Variants in CENPB observed in about 807,000 individuals in gnomAD.
CENPB encodes centromere protein B.
In CENPB, 19 loss-of-function variants were observed where a neutral mutation model predicts 41.9. That is an observed-to-expected ratio of 0.45 (90% CI 0.32 to 0.67). The LOEUF is 0.67. Among genes scored for constraint, CENPB ranks in the 30% least tolerant of loss-of-function variants. CENPB has a pLI of 0.04. For synonymous variants in CENPB, 399 were observed against 354.4 expected, an observed-to-expected ratio of 1.13 and a Z score of -1.41; for missense variants, 614 against 816.2, an observed-to-expected ratio of 0.75 and a Z score of 3.02.
chr20:3,786,002 G>T lies in CENPB; in HGVS notation c.482C>A (p.Pro161His). 1 of 1,472,072 alleles carries T rather than the reference G, an allele frequency of 6.8e-7. No individual in the cohort carries two copies. The highest frequency in any genetic ancestry group is 2.7e-5 in the East Asian group (1 of 37,044). The allele number at this position is 1,472,072 out of a possible 1,614,324, so 91.2% of individuals were successfully genotyped here. A position where few individuals can be genotyped will look rare whatever the true frequency, so the allele number is the denominator to read the frequency against. Residue 161 changes from proline (P) to histidine (H), a missense_variant, in exon 1 of 1, where the codon CCC becomes CAC. Pro to His is a moderately conservative substitution (Grantham distance 77). Transcript: ENST00000379751. The stretch of plus-strand genomic sequence containing the variant: ...AGTGCTCCCGCCACTGCCCTCCGAG[G>T]GCACCGCGGCCGGACTGGCAGGCGC... ...PAAPASPAAV[P>H]SEGSGGSTTG...
chr20:3,785,890 A>C lies in CENPB; in HGVS notation c.594T>G (p.Ser198Arg), dbSNP rs780496154. 1.9e-6 allele frequency: 3 copies of C among 1,606,830 alleles called. No homozygotes were observed. In the African/African-American group the frequency reaches 4.0e-5, roughly 22 times the overall value. The change falls in exon 1 of 1, where the codon AGT becomes AGG. Residue 198 changes from serine to arginine, a missense_variant. Transcript: ENST00000379751. ...SQDVFSATET[S>R]LWYDFLPDQA... ...GGTCGGGCAGGAAGTCGTACCATAG[A>C]CTGGTCTCGGTGGCGCTGAACACGT... is the stretch of plus-strand genomic sequence containing the variant.
chr20:3,784,454 C>T lies in CENPB; in HGVS notation c.*230G>A, dbSNP rs540857122. On this transcript the variant is annotated 3_prime_UTR_variant, in exon 1 of 1. Transcript: ENST00000379751. This position sits in a 1 kb window ranked among gnomAD's most constrained non-coding sequence, Gnocchi z 5.2. Reference sequence around the variant, plus strand: ...CCACCTGGTCCCCTGAGCCCAGGGCCAAATGGGGAGGAAAGAGGATTCTGA... The same window carrying T: ...CCACCTGGTCCCCTGAGCCCAGGGCTAAATGGGGAGGAAAGAGGATTCTGA... 8 of 548,594 alleles carry T rather than the reference C, an allele frequency of 1.5e-5. No homozygotes were observed. In the African/African-American group the frequency reaches 1.5e-4, roughly 10 times the overall value. The allele number at this position is 548,594 out of a possible 1,614,324, so 34.0% of individuals were successfully genotyped here.
chr20:3,785,519 A>T lies in CENPB; in HGVS notation c.965T>A (p.Val322Glu). The change falls in exon 1 of 1, where the codon GTG becomes GAG. Residue 322 changes from valine (V) to glutamate (E), a missense_variant. By Grantham distance (121) the Val-to-Glu change is moderately radical. Transcript: ENST00000379751. Reference sequence around the variant, plus strand: ...GACCACTCCCCTCTCCAGCGGATGCACGGTGCCGGGAGGGAAGAAGGCCAG... The same window carrying T: ...GACCACTCCCCTCTCCAGCGGATGCTCGGTGCCGGGAGGGAAGAAGGCCAG... Reference protein sequence around the residue: ...VQLAFFPPGTVHPLERGVVQQ... With the variant: ...VQLAFFPPGTEHPLERGVVQQ... The T allele has an allele frequency of 6.3e-7, 1 of 1,597,572 alleles. No homozygotes were observed. Among genetic ancestry groups the T allele is most frequent in the Non-Finnish European group, 8.5e-7 (1 of 1,172,408 alleles).
At position 3,784,114 on chromosome 20, in the gene CENPB, G is replaced by A. The variant is rs1051368; in HGVS notation, c.*570C>T. Reference sequence around the variant, plus strand: ...CAAGGGCCAAAGTCACATGGACAGGGCCAGAGAAAGGGACTGGGGAGGTGG... The same window carrying A: ...CAAGGGCCAAAGTCACATGGACAGGACCAGAGAAAGGGACTGGGGAGGTGG... On this transcript the variant is annotated 3_prime_UTR_variant, in exon 1 of 1. Transcript: ENST00000379751. The surrounding 1 kb of genome is among the most constrained non-coding windows in gnomAD (Gnocchi z 5.2). 0.028 allele frequency: 4,414 copies of A among 155,960 alleles called. 97 individuals carry two copies. Among genetic ancestry groups the A allele is most frequent in the Admixed American group, 0.041 (654 of 16,068 alleles). 9.7% of individuals were successfully genotyped at this position (155,960 alleles called of 1,614,324 possible).
Position 3,786,039 on chromosome 20 carries a change from G to C in CENPB, c.445C>G (p.Arg149Gly). The change falls in exon 1 of 1, where the codon CGC becomes GGC. Residue 149 changes from arginine to glycine, a missense_variant. Around this residue, in one of 2 missense-constraint regions of CENPB, gnomAD observed 537 missense variants for 629.4 expected, o/e 0.85. Coordinates refer to ENST00000379751, the MANE Select transcript of CENPB (RefSeq NM_001810.6). ...ARARARNAAP[R>G]TPAAPASPAA... ...GGACTGGCAGGCGCCGCCGGGGTGC[G>C]GGGGGCAGCGTTTCGCGCGCGGGCG... The C allele has an allele frequency of 6.8e-7, 1 of 1,465,592 alleles. No individual in the cohort carries two copies. The highest frequency in any genetic ancestry group is 8.9e-7 in the Non-Finnish European group (1 of 1,122,556). The allele number at this position is 1,465,592 out of a possible 1,614,324, so 90.8% of individuals were successfully genotyped here.
Position 3,785,347 on chromosome 20 carries a change from G to C in CENPB, c.1137C>G (p.Asp379Glu). ...AAAWQAVEPS[D>E]IAACFREAGF... ...CAGCCTCACGAAAGCAGGCGGCTATGTCCGAAGGCTCCACTGCCTGCCAGG... is the reference window on the plus strand; with the variant it reads ...CAGCCTCACGAAAGCAGGCGGCTATCTCCGAAGGCTCCACTGCCTGCCAGG... Residue 379 changes from aspartate to glutamate, a missense_variant, in exon 1 of 1, where the codon GAC becomes GAG. Asp to Glu is a conservative substitution (Grantham distance 45). Transcript: ENST00000379751. 6.2e-7 allele frequency: 1 copy of C among 1,602,658 alleles called. No homozygotes were observed. The highest frequency in any genetic ancestry group is 1.1e-5 in the South Asian group (1 of 89,470).
Position 3,784,945 on chromosome 20 carries a change from G to A in CENPB, c.1539C>T (p.Asp513=). The part of the protein sequence containing the change: ...FLEGGEDSDS[D]SEEEDDEEED... The stretch of plus-strand genomic sequence containing the variant: ...CTTCCTCATCGTCCTCTTCCTCACT[G>A]TCTGAATCAGAGTCCTCCCCACCTT... The change falls in exon 1 of 1, where the codon GAC becomes GAT. Residue 513 remains aspartate, a synonymous_variant. Transcript: ENST00000379751. This position sits in a 1 kb window ranked among gnomAD's most constrained non-coding sequence, Gnocchi z 5.2. 1.2e-6 allele frequency: 2 copies of A among 1,613,770 alleles called. No individual in the cohort carries two copies. The highest frequency in any genetic ancestry group is 1.7e-6 in the Non-Finnish European group (2 of 1,179,932).
In CENPB at chr20:3,785,200, TTCC is replaced by T. The variant is rs200947984; in HGVS notation, c.1281_1283del (p.Glu428del). 128 of 760,900 alleles carry T rather than the reference TTCC, an allele frequency of 1.7e-4. No homozygotes were observed. The highest frequency in any genetic ancestry group is 2.3e-4 in the Non-Finnish European group (119 of 520,726). 47.1% of individuals were successfully genotyped at this position (760,900 alleles called of 1,614,324 possible). Reference sequence around the variant, plus strand: ...CCCCTTCCTCCTCCTCCTCCTCCCCTTCCTCCTCCTCTTCCTCTCCTTCACCCT... The same window carrying T: ...CCCCTTCCTCCTCCTCCTCCTCCCCTTCCTCCTCTTCCTCTCCTTCACCCT... On this transcript the variant is annotated inframe_deletion, in exon 1 of 1. Transcript: ENST00000379751.
rs368864621 is a variant in CENPB at position 3,785,536 on chromosome 20, G to T, written c.948C>A (p.Phe316Leu). The T allele has an allele frequency of 1.3e-5, 20 of 1,598,560 alleles. No homozygotes were observed. Among genetic ancestry groups the T allele is most frequent in the Non-Finnish European group, 1.4e-5 (16 of 1,173,000 alleles). The change falls in exon 1 of 1, where the codon TTC becomes TTA. Residue 316 changes from phenylalanine to leucine, a missense_variant. Coordinates refer to ENST00000379751, the MANE Select transcript of CENPB (RefSeq NM_001810.6). ...GCGGATGCACGGTGCCGGGAGGGAA[G>T]AAGGCCAGCTGCACATGCCGCAGGC... ...TSGLRHVQLA[F>L]FPPGTVHPLE...
In CENPB at chr20:3,784,167, C is replaced by T. The variant is rs1189004658; in HGVS notation, c.*517G>A. 1 of 160,680 alleles carries T rather than the reference C, an allele frequency of 6.2e-6. No individual in the cohort carries two copies. The highest frequency in any genetic ancestry group is 1.4e-5 in the Non-Finnish European group (1 of 72,516). 10.0% of individuals were successfully genotyped at this position (160,680 alleles called of 1,614,324 possible). ...AGCAGGCAGAAGCAGGCTCAGGAGC[C>T]CGCAGTGAGTTAAACTGTGCTTCTC... On this transcript the variant is annotated 3_prime_UTR_variant, in exon 1 of 1. Coordinates refer to ENST00000379751, the MANE Select transcript of CENPB (RefSeq NM_001810.6). The surrounding 1 kb of genome is among the most constrained non-coding windows in gnomAD (Gnocchi z 5.2).
Position 3,785,731 on chromosome 20 carries a change from G to A in CENPB, c.753C>T (p.Arg251=). ...CGCAGGGCAGGCCGGCTTGGCCTGC[G>A]CGGGGCTTGGCCGACTTGCCGGCCA... ...PLVAGKSAKP[R]AGQAGLPCDY... Residue 251 remains arginine (R), a synonymous_variant, in exon 1 of 1, where the codon CGC becomes CGT. Transcript: ENST00000379751. The A allele has an allele frequency of 6.2e-7, 1 of 1,607,082 alleles. No homozygotes were observed.
Position 3,784,767 on chromosome 20 carries a change from G to A in CENPB, c.1717C>T (p.His573Tyr). ...IDDRVQSHILHLEHDLVHVTR... is the reference protein window; with the variant it reads ...IDDRVQSHILYLEHDLVHVTR... Reference sequence around the variant, plus strand: ...ACATGAACCAGATCGTGTTCCAAGTGGAGGATGTGGCTCTGCACGCGGTCA... The same window carrying A: ...ACATGAACCAGATCGTGTTCCAAGTAGAGGATGTGGCTCTGCACGCGGTCA... Residue 573 changes from histidine to tyrosine, a missense_variant, in exon 1 of 1, where the codon CAC becomes TAC. By Grantham distance (83) the His-to-Tyr change is moderately conservative (BLOSUM62 2). This residue lies in a region of CENPB where 537 missense variants were observed against 629.4 expected (regional missense o/e 0.85). Coordinates refer to ENST00000379751, the MANE Select transcript of CENPB (RefSeq NM_001810.6). This position sits in a 1 kb window ranked among gnomAD's most constrained non-coding sequence, Gnocchi z 5.2. 4 of 1,614,142 alleles carry A rather than the reference G, an allele frequency of 2.5e-6. No homozygotes were observed. Among genetic ancestry groups the A allele is most frequent in the South Asian group, 1.1e-5 (1 of 91,072 alleles).
Position 3,785,274 on chromosome 20 carries a change from C to A in CENPB, c.1210G>T (p.Glu404Ter). 1 of 1,586,176 alleles carries A rather than the reference C, an allele frequency of 6.3e-7. No individual in the cohort carries two copies. The highest frequency in any genetic ancestry group is 8.6e-7 in the Non-Finnish European group (1 of 1,167,704). ...NATITTSLKS[E>*]GEEEEEEEEE... Reference sequence around the variant, plus strand: ...TCCTCCTCCTCCTCTTCCTCTCCCTCACTCTTGAGGGAAGTGGTGATGGTG... The same window carrying A: ...TCCTCCTCCTCCTCTTCCTCTCCCTAACTCTTGAGGGAAGTGGTGATGGTG... Residue 404 changes from glutamate (E) to a stop codon, truncating the protein, a stop_gained, in exon 1 of 1, where the codon GAG (glutamate) becomes TAG (stop). Transcript: ENST00000379751. LOFTEE classifies it high-confidence loss of function.
chr20:3,784,415 GCTCCCC>G lies in CENPB; in HGVS notation c.*263_*268del. 2.1e-6 allele frequency: 1 copy of G among 474,162 alleles called. No individual in the cohort carries two copies. Among genetic ancestry groups the G allele is most frequent in the Non-Finnish European group, 3.9e-6 (1 of 259,528 alleles). 29.4% of individuals were successfully genotyped at this position (474,162 alleles called of 1,614,324 possible). A position where few individuals can be genotyped will look rare whatever the true frequency, so the allele number is the denominator to read the frequency against. On this transcript the variant is annotated 3_prime_UTR_variant, in exon 1 of 1. Coordinates refer to ENST00000379751, the MANE Select transcript of CENPB (RefSeq NM_001810.6). This position sits in a 1 kb window ranked among gnomAD's most constrained non-coding sequence, Gnocchi z 5.2. Reference sequence around the variant, plus strand: ...GGGCACGGTGTGGTAGCACCGGACAGCTCCCCACCCGCCCCACCTGGTCCCCTGAGC... The same window carrying G: ...GGGCACGGTGTGGTAGCACCGGACAGACCCGCCCCACCTGGTCCCCTGAGC...
In CENPB at chr20:3,785,198, CCTTCCTCCTCCT is replaced by C. The variant is rs2088809246; in HGVS notation, c.1274_1285del (p.Glu425_Glu428del). On this transcript the variant is annotated inframe_deletion, in exon 1 of 1. Coordinates refer to ENST00000379751, the MANE Select transcript of CENPB (RefSeq NM_001810.6). ...CCCCCCTTCCTCCTCCTCCTCCTCC[CCTTCCTCCTCCT>C]CTTCCTCTCCTTCACCCTCTTCCTC... 7 of 1,283,364 alleles carry C rather than the reference CCTTCCTCCTCCT, an allele frequency of 5.5e-6. No individual in the cohort carries two copies. Among genetic ancestry groups the C allele is most frequent in the Admixed American group, 2.3e-5 (1 of 42,708 alleles). 79.5% of individuals were successfully genotyped at this position (1,283,364 alleles called of 1,614,324 possible).
chr20:3,785,590 G>A lies in CENPB; in HGVS notation c.894C>T (p.Arg298=), dbSNP rs773648405. The change falls in exon 1 of 1, where the codon CGC becomes CGT. Residue 298 remains arginine, a synonymous_variant. Transcript: ENST00000379751. ...AGGTGTCCAAGGACTGGGCAGCCAAGCGGCCGGCCAACAGCAGGACCCGGC... is the reference window on the plus strand; with the variant it reads ...AGGTGTCCAAGGACTGGGCAGCCAAACGGCCGGCCAACAGCAGGACCCGGC... ...ESRRVLLLAG[R]LAAQSLDTSG... The A allele has an allele frequency of 1.2e-6, 2 of 1,601,180 alleles. No individual in the cohort carries two copies. Among genetic ancestry groups the A allele is most frequent in the Non-Finnish European group, 1.7e-6 (2 of 1,174,484 alleles).
In CENPB at chr20:3,784,909, T is replaced by C. The variant is rs762892177; in HGVS notation, c.1575A>G (p.Glu525=). ...CCTCATCATCATCGTCGTCTTCATC[T>C]TCATCATCCTCTTCCTCATCGTCCT... ...EEEDDEEEDD[E]DEDDDDDEED... is the part of the protein sequence containing the mutation. Residue 525 remains glutamate (E), a synonymous_variant, in exon 1 of 1, where the codon GAA becomes GAG. Transcript: ENST00000379751. The surrounding 1 kb of genome is among the most constrained non-coding windows in gnomAD (Gnocchi z 5.2). 1.7e-5 allele frequency: 28 copies of C among 1,613,858 alleles called. No individual in the cohort carries two copies. The South Asian group carries it at 3.0e-4, about 17-fold the overall frequency.
rs1453532151 is a variant in CENPB at position 3,785,564 on chromosome 20, G to A, written c.920C>T (p.Ser307Leu). 3 of 1,600,180 alleles carry A rather than the reference G, an allele frequency of 1.9e-6. No homozygotes were observed. The highest frequency in any genetic ancestry group is 1.7e-5 in the Admixed American group (1 of 57,922). Residue 307 changes from serine to leucine, a missense_variant, in exon 1 of 1, where the codon TCG (serine) becomes TTG (leucine). Ser to Leu is a moderately radical substitution (Grantham distance 145, BLOSUM62 -2). This residue lies in a region of CENPB where 537 missense variants were observed against 629.4 expected (regional missense o/e 0.85). Transcript: ENST00000379751. ...GGCCAGCTGCACATGCCGCAGGCCCGAGGTGTCCAAGGACTGGGCAGCCAA... is the reference window on the plus strand; with the variant it reads ...GGCCAGCTGCACATGCCGCAGGCCCAAGGTGTCCAAGGACTGGGCAGCCAA... ...GRLAAQSLDT[S>L]GLRHVQLAFF...
In CENPB at chr20:3,784,766, T is replaced by C. The variant is rs1407973640; in HGVS notation, c.1718A>G (p.His573Arg). 2 of 1,614,104 alleles carry C rather than the reference T, an allele frequency of 1.2e-6. No homozygotes were observed. Among genetic ancestry groups the C allele is most frequent in the Non-Finnish European group, 1.7e-6 (2 of 1,179,994 alleles). ...CACATGAACCAGATCGTGTTCCAAG[T>C]GGAGGATGTGGCTCTGCACGCGGTC... ...IDDRVQSHIL[H>R]LEHDLVHVTR... The change falls in exon 1 of 1, where the codon CAC becomes CGC. Residue 573 changes from histidine to arginine, a missense_variant. Physicochemically the swap from His to Arg is conservative, Grantham distance 29 (BLOSUM62 0). This residue lies in a region of CENPB where 537 missense variants were observed against 629.4 expected (regional missense o/e 0.85). Transcript: ENST00000379751. The surrounding 1 kb of genome is among the most constrained non-coding windows in gnomAD (Gnocchi z 5.2).
Sources: allele counts gnomAD v4.1 joint callset, GRCh38; gene constraint gnomAD v4.1.1; regional missense constraint gnomAD v4.1.1; non-coding constraint Gnocchi (gnomAD v3.1); transcripts MANE v1.5; gene names NCBI Gene and HGNC (gene_info 2026-07-23, HGNC 2026-07-21).